RIT2: variants seen among roughly 807,000 people sequenced by gnomAD.
RIT2 encodes Ras like without CAAX 2.
A neutral mutation model predicts 23.7 loss-of-function variants in RIT2; 24 were observed. The observed-to-expected ratio is 1.01, with a 90% CI of 0.73 to 1.43. RIT2 has a LOEUF of 1.43. RIT2 is among the 40% of genes most tolerant of loss of function. The pLI, the probability that RIT2 is intolerant of heterozygous loss-of-function variation, is 0.00. For missense variants in RIT2, 236 were observed against 266.9 expected (o/e 0.88, Z 0.81); for synonymous variants, 107 against 91.1 (o/e 1.17, Z -0.99).
At chr18:43,083,433 G>C (rs1913205851) in intron 1 of RIT2, among the ~76,000 whole-genome samples, 1 of 152,030 alleles carries the variant, frequency 6.6e-6, no homozygotes, top group South Asian at 2.1e-4. Context: ...ACAATCCAAA[G>C]CCAAAAGAAT....
At chr18:42,833,638 T>C (rs921137018) in intron 4 of RIT2, among the ~76,000 whole-genome samples, 1 of 152,198 alleles carries the variant, frequency 6.6e-6, no homozygotes, top group African/African-American at 2.4e-5. Context: ...AAGTTACAGA[T>C]GGACTCAAAC....
At chr18:42,888,074 A>C (rs1175434079) in intron 4 of RIT2, among the ~76,000 whole-genome samples, 1 of 152,138 alleles carries the variant, frequency 6.6e-6, no homozygotes, top group Non-Finnish European at 1.5e-5. Context: ...TTTATGCTAC[A>C]TGAATTATGC....
intron 4 of RIT2, among the ~76,000 whole-genome samples, chr18:42,809,949 TAC>T (rs1325784547): frequency 2.1e-5 from 3 of 144,352 alleles, no homozygotes; most frequent in African/African-American, 7.7e-5. Flanking sequence ...ATATATGATA[TAC>T]ATAATTTGTA....
intron 4 of RIT2, among the ~76,000 whole-genome samples, chr18:42,920,942 C>CT (rs376037236): frequency 6.4e-4 from 94 of 147,172 alleles, no homozygotes; most frequent in Admixed American, 2.1e-3. Flanking sequence ...TTTGAGTCTG[C>CT]TTTTTTTTTT....
At chr18:42,994,680 C>A (rs1910936502) in intron 2 of RIT2, among the ~76,000 whole-genome samples, 2 of 152,100 alleles carry the variant, frequency 1.3e-5, no homozygotes, top group South Asian at 4.1e-4. Flanking sequence ...CGTCCTGTAG[C>A]CTTTTTGTCC....
intron 3 of RIT2, among the ~76,000 whole-genome samples, chr18:42,963,228 G>C (rs1910132367): frequency 6.6e-6 from 1 of 152,098 alleles, no homozygotes; most frequent in Non-Finnish European, 1.5e-5. Context: ...ATGTTTAATA[G>C]AAAATAGTCT....
intron 1 of RIT2, among the ~76,000 whole-genome samples, chr18:43,046,142 C>T (rs1912241681): frequency 6.6e-6 from 1 of 152,002 alleles, no homozygotes; most frequent in Non-Finnish European, 1.5e-5. Context: ...TAAAATGTAA[C>T]AGAATCATGC....
chr18:42,963,433 GA>G (rs778450582), intron 3 of RIT2, among the ~76,000 whole-genome samples: 6 of 152,158 alleles, frequency 3.9e-5, no homozygotes, highest in Non-Finnish European at 7.4e-5. Context: ...CTGGGTTCTT[GA>G]AACTCATTCA....
intron 4 of RIT2, among the ~76,000 whole-genome samples, chr18:42,806,759 G>C (rs1187043419): frequency 1.3e-5 from 2 of 152,156 alleles, no homozygotes; most frequent in East Asian, 3.9e-4. Flanking sequence ...ACTTTGCAAA[G>C]CAATTAGACT....
chr18:43,032,200 C>T (rs1042952638), intron 2 of RIT2, among the ~76,000 whole-genome samples: 8 of 152,038 alleles, frequency 5.3e-5, no homozygotes, highest in African/African-American at 1.9e-4. Context: ...ATCTTAATCT[C>T]AAGTGATAGA....
At chr18:42,943,329 A>G (rs1203835766) in intron 3 of RIT2, among the ~76,000 whole-genome samples, 2 of 152,038 alleles carry the variant, frequency 1.3e-5, no homozygotes, top group African/African-American at 4.8e-5. Flanking sequence ...GCTATGGAGC[A>G]CTGATTGGTG....
At chr18:42,789,467 G>A (rs897773743) in intron 4 of RIT2, among the ~76,000 whole-genome samples, 3 of 152,174 alleles carry the variant, frequency 2.0e-5, no homozygotes, top group African/African-American at 7.2e-5. Flanking sequence ...CCATGAGCAT[G>A]TGAAGTTTCT....
chr18:43,107,221 A>AT (rs1555658959), intron 1 of RIT2, among the ~76,000 whole-genome samples: 1 of 152,198 alleles, frequency 6.6e-6, no homozygotes, highest in Non-Finnish European at 1.5e-5. Flanking sequence ...AACGCTACAG[A>AT]TGAACAGCTG....
chr18:42,974,191 A>T, intron 2 of RIT2, 44 bp from the exon 3 acceptor site: 2 of 1,326,260 alleles, frequency 1.5e-6, no homozygotes, highest in Non-Finnish European at 2.2e-6. Flanking sequence ...GTGACAGGAA[A>T]GGCATTATTA....
At chr18:43,038,212 A>AAAG (rs939363761) in intron 1 of RIT2, among the ~76,000 whole-genome samples, 2 of 150,596 alleles carry the variant, frequency 1.3e-5, no homozygotes, top group African/African-American at 4.9e-5. Context: ...CTCAAAAAAA[A>AAAG]AAAAAAGCAG....
chr18:42,798,891 C>A (rs534295172), intron 4 of RIT2, among the ~76,000 whole-genome samples: 13 of 152,320 alleles, frequency 8.5e-5, no homozygotes, highest in Admixed American at 5.2e-4. Flanking sequence ...AAAGAACCCT[C>A]CCCTCAGGAT....
chr18:42,865,488 G>T (rs189995655), intron 4 of RIT2, among the ~76,000 whole-genome samples: 1 of 152,202 alleles, frequency 6.6e-6, no homozygotes, highest in East Asian at 1.9e-4. Flanking sequence ...AACATAAGAG[G>T]CTTTCCCCAA....
At chr18:42,855,744 G>T (rs996261788) in intron 4 of RIT2, among the ~76,000 whole-genome samples, 16 of 152,072 alleles carry the variant, frequency 1.1e-4, no homozygotes, top group African/African-American at 3.6e-4. Flanking sequence ...AAAACATTTT[G>T]AATCCTGTTT....
At chr18:43,085,849 T>C (rs947667805) in intron 1 of RIT2, among the ~76,000 whole-genome samples, 5 of 152,116 alleles carry the variant, frequency 3.3e-5, no homozygotes, top group South Asian at 2.1e-4. Context: ...CCCATACTGT[T>C]CTCATGGTAG....
Sources: gnomAD v4.1 joint callset for allele counts (sites outside exome capture counted in the v4.1 genomes callset) on GRCh38, gnomAD v4.1.1 for gene constraint, MANE v1.5 for transcripts, NCBI Gene and HGNC (gene_info 2026-07-23, HGNC 2026-07-21) for gene names.